Variants in NLRP1 observed in about 807,000 individuals in gnomAD.
NLRP1 encodes NLR family pyrin domain containing 1.
Under a neutral mutation model 136.7 loss-of-function variants are expected in NLRP1, and 94 were observed. That is an observed-to-expected ratio of 0.69 (90% confidence interval 0.58 to 0.82). The LOEUF (loss-of-function observed/expected upper bound fraction) is 0.82. Ranked by LOEUF, NLRP1 falls within the 40% of genes least tolerant of loss-of-function variation. The probability of loss-of-function intolerance (pLI) is 0.00; values close to 1 mark genes in which losing one functional copy is unlikely to be tolerated. For synonymous variants in NLRP1, 690 were observed against 725.1 expected, an observed-to-expected ratio of 0.95 and a Z score of 0.78; for missense variants, 1,575 against 1,802.7, an observed-to-expected ratio of 0.87 and a Z score of 2.29.
At chr17:5,505,524 A>G (rs1297279539) in intron 15 of NLRP1, 1 of 152,380 alleles carries the variant, frequency 6.6e-6, no homozygotes, top group Non-Finnish European at 1.5e-5. Context: ...GCCCCTATGC[A>G]TGCTCCAGGT....
intron 3 of NLRP1, among the ~76,000 whole-genome samples, chr17:5,564,734 G>GTT (rs59428190): frequency 0.19 from 18,273 of 97,578 alleles, 2,319 homozygotes; most frequent in African/African-American, 0.28. Context: ...AATTTTTAGT[G>GTT]TTTTTTTTTT....
intron 3 of NLRP1, among the ~76,000 whole-genome samples, chr17:5,571,791 G>T (rs1246779511): frequency 6.6e-6 from 1 of 152,012 alleles, no homozygotes; most frequent in African/African-American, 2.4e-5. Context: ...AATAGCCAAA[G>T]CAATTCTAAG....
At chr17:5,562,746 C>T (rs1009625226) in intron 3 of NLRP1, among the ~76,000 whole-genome samples, 4 of 152,214 alleles carry the variant, frequency 2.6e-5, no homozygotes, top group Admixed American at 6.5e-5. Flanking sequence ...CCCACCAGTG[C>T]CCTGCCCCAG....
chr17:5,570,029 G>A (rs992730953), intron 3 of NLRP1, among the ~76,000 whole-genome samples: 3 of 152,102 alleles, frequency 2.0e-5, no homozygotes, highest in African/African-American at 7.2e-5. Flanking sequence ...GGTAAACAAT[G>A]AAATTAAGGC....
At position 5,531,173 on chromosome 17, in the gene NLRP1, A is replaced by ATCT. The variant is rs1555543821; in HGVS notation, c.3297-470_3297-469insAGA. Among the ~76,000 whole-genome samples, 917 of 141,520 alleles carry ATCT rather than the reference A, an allele frequency of 6.5e-3. 3 individuals carry two copies. Among genetic ancestry groups the ATCT allele is most frequent in the Middle Eastern group, 0.018 (5 of 274 alleles). 92.8% of individuals were successfully genotyped at this position (141,520 alleles called of 152,430 possible). On this transcript the variant is annotated intron_variant, in intron 11 of 16. Coordinates refer to ENST00000572272, the MANE Select transcript of NLRP1 (RefSeq NM_033004.4). ...ATCTATCTATCTATCTAATCTATCT[A>ATCT]ATCTATCTATCTATCTATCTATCTA... is the stretch of plus-strand genomic sequence containing the variant.
chr17:5,520,473 G>A (rs1239011088), intron 14 of NLRP1, among the ~76,000 whole-genome samples: 1 of 152,102 alleles, frequency 6.6e-6, no homozygotes, highest in South Asian at 2.1e-4. Flanking sequence ...ATGCAACCAA[G>A]GCCCAAATCC....
At position 5,515,002 on chromosome 17, in the gene NLRP1, G is replaced by A. The variant is rs202212177; in HGVS notation, c.4174C>T (p.Arg1392Ter). 3.7e-5 allele frequency: 59 copies of A among 1,614,032 alleles called. No homozygotes were observed. The highest frequency in any genetic ancestry group is 2.5e-4 in the Admixed American group (15 of 60,002). ...VDQYREQLIARVTSVEVVLDK... is the reference protein window; with the variant it reads ...VDQYREQLIA ...AAGACAACCTCCACCGATGTCACTCGGGCTATCAGCTGCTCTCGATACTGG... is the reference window on the plus strand; with the variant it reads ...AAGACAACCTCCACCGATGTCACTCAGGCTATCAGCTGCTCTCGATACTGG... Residue 1392 changes from arginine (R) to a stop codon, truncating the protein, a stop_gained, in exon 17 of 17, where the codon CGA (arginine) becomes TGA (stop). Coordinates refer to ENST00000572272, the MANE Select transcript of NLRP1 (RefSeq NM_033004.4). LOFTEE classifies it low-confidence loss of function (END_TRUNC).
chr17:5,530,375 C>T (rs1339431989), intron 12 of NLRP1, 106 bp downstream of exon 12: 7 of 983,674 alleles, frequency 7.1e-6, no homozygotes, highest in Non-Finnish European at 1.1e-5. Flanking sequence ...CCCCTCGGCC[C>T]CTCTAAGGAA....
Position 5,517,982 on chromosome 17 carries a change from G to C in NLRP1, c.3916-95C>G, listed in dbSNP as rs893108367. The C allele has an allele frequency of 5.8e-6, 7 of 1,207,046 alleles. No homozygotes were observed. The Admixed American group carries it at 1.3e-4, about 23-fold the overall frequency. The allele number at this position is 1,207,046 out of a possible 1,614,324, so 74.8% of individuals were successfully genotyped here. On this transcript the variant is annotated intron_variant, in intron 14 of 16. Coordinates refer to ENST00000572272, the MANE Select transcript of NLRP1 (RefSeq NM_033004.4). ...TTCTTGGCCCTGCTTGGCTCCATAAGGACACTCTGATGATCCCTGTACTGA... is the reference window on the plus strand; with the variant it reads ...TTCTTGGCCCTGCTTGGCTCCATAACGACACTCTGATGATCCCTGTACTGA...
At chr17:5,519,360 G>T (rs565042764) in intron 14 of NLRP1, among the ~76,000 whole-genome samples, 2 of 151,732 alleles carry the variant, frequency 1.3e-5, no homozygotes, top group East Asian at 3.9e-4. Flanking sequence ...TGGCCAGGCT[G>T]GTCTGGAACT....
chr17:5,576,039 G>A (rs1253678033), intron 3 of NLRP1, among the ~76,000 whole-genome samples: 3 of 151,902 alleles, frequency 2.0e-5, no homozygotes, highest in Non-Finnish European at 4.4e-5. Flanking sequence ...GGTACATAAC[G>A]AAATGAAGGC....
intron 3 of NLRP1, among the ~76,000 whole-genome samples, chr17:5,570,229 G>A (rs1326065553): frequency 6.6e-6 from 1 of 151,988 alleles, no homozygotes; most frequent in East Asian, 1.9e-4. Context: ...CAATCCCAAA[G>A]CTAGCAGAAG....
At chr17:5,558,287 G>A (rs1040742624) in intron 4 of NLRP1, 52 bp downstream of exon 4, 8 of 1,535,684 alleles carry the variant, frequency 5.2e-6, no homozygotes, top group Non-Finnish European at 6.1e-6. Flanking sequence ...CAGGTCACTC[G>A]GGCTTATGGA....
rs200978743 is a variant in NLRP1, at chr17:5,558,537, T to C, written c.2159A>G (p.His720Arg). 3.7e-6 allele frequency: 6 copies of C among 1,613,898 alleles called. No individual in the cohort carries two copies. Among genetic ancestry groups the C allele is most frequent in the Non-Finnish European group, 5.1e-6 (6 of 1,179,974 alleles). The change falls in exon 4 of 17, where the codon CAC becomes CGC. Residue 720 changes from histidine (H) to arginine (R), a missense_variant. By Grantham distance (29) the His-to-Arg change is conservative. Transcript: ENST00000572272. Reference sequence around the variant, plus strand: ...TTTGTTCCGAGTCTCGTACAAGCAGTGGAGGGACTCCAGAGAGTGTGGCTG... The same window carrying C: ...TTTGTTCCGAGTCTCGTACAAGCAGCGGAGGGACTCCAGAGAGTGTGGCTG... ...LLQPHSLESLHCLYETRNKTF... is the reference protein window; with the variant it reads ...LLQPHSLESLRCLYETRNKTF...
At chr17:5,542,093 C>A in intron 5 of NLRP1, 66 bp from the exon 6 acceptor site, 1 of 1,503,178 alleles carries the variant, frequency 6.7e-7, no homozygotes, top group Non-Finnish European at 9.0e-7. Context: ...CACCCATAAG[C>A]AACCATTAAT....
intron 3 of NLRP1, among the ~76,000 whole-genome samples, chr17:5,565,076 T>A (rs1915186397): frequency 6.6e-6 from 1 of 152,184 alleles, no homozygotes; most frequent in Non-Finnish European, 1.5e-5. Flanking sequence ...CTGTTCTCCA[T>A]AGTGGTTGTA....
chr17:5,530,393 C>T (rs778916364), intron 12 of NLRP1, 88 bp downstream of exon 12: 59 of 1,263,448 alleles, frequency 4.7e-5, no homozygotes, highest in Non-Finnish European at 6.2e-5. Context: ...GAAGCCACAA[C>T]ACCCTCTCCC....
At chr17:5,522,938 C>G (rs1375357810) in intron 12 of NLRP1, among the ~76,000 whole-genome samples, 1 of 152,166 alleles carries the variant, frequency 6.6e-6, no homozygotes, top group African/African-American at 2.4e-5. Flanking sequence ...GCCTCCTCCT[C>G]CAGCACTGTG....
exon 16 of NLRP1, chr17:5,501,735 A>C: frequency 8.6e-7 from 1 of 1,158,730 alleles, no homozygotes; most frequent in Non-Finnish European, 1.3e-6. Flanking sequence ...TCTCAGACCC[A>C]CCTGCGGTCT....
Sources: gnomAD v4.1 joint callset for allele counts (sites outside exome capture counted in the v4.1 genomes callset) on GRCh38, gnomAD v4.1.1 for gene constraint, MANE v1.5 for transcripts, NCBI Gene and HGNC (gene_info 2026-07-23, HGNC 2026-07-21) for gene names.